The following GRPR variants were observed in gnomAD, a reference collection of about 807,000 sequenced individuals.
GRPR encodes gastrin-releasing peptide receptor.
Under a neutral mutation model 15.6 loss-of-function variants are expected in GRPR, and 4 were observed. The observed-to-expected ratio is 0.26, with a 90% CI of 0.13 to 0.59. The LOEUF (loss-of-function observed/expected upper bound fraction) is 0.59. GRPR is among the 20% of genes least tolerant of loss of function. The probability of loss-of-function intolerance (pLI) is 0.90; values close to 1 mark genes in which losing one functional copy is unlikely to be tolerated. For missense variants in GRPR, 270 were observed against 304.1 expected (o/e 0.89, Z 0.83); for synonymous variants, 128 against 126.8 (o/e 1.01, Z -0.06).
chrX:16,133,802 T>C (rs1922411547), intron 1 of GRPR, among the ~76,000 whole-genome samples: 1 of 111,999 alleles, frequency 8.9e-6, no homozygotes, highest in South Asian at 3.7e-4. Context: ...TCTTTCTTTC[T>C]GATTTTCAGC....
In GRPR at chrX:16,123,922, G is replaced by A; in HGVS notation, c.-32G>A. ...TCAATAGTTAAGAAATAGCATCTAA[G>A]GGAACTTTTAGGTGGGAAAAAAAAT... On this transcript the variant is annotated 5_prime_UTR_variant, in exon 1 of 3. Coordinates refer to ENST00000380289, the MANE Select transcript of GRPR (RefSeq NM_005314.3). 8.6e-7 allele frequency: 1 copy of A among 1,162,941 alleles called. No individual in the cohort carries two copies. The highest frequency in any genetic ancestry group is 1.2e-6 in the Non-Finnish European group (1 of 853,822).
intron 1 of GRPR, among the ~76,000 whole-genome samples, chrX:16,128,951 T>A (rs1035746662): frequency 8.9e-6 from 1 of 112,362 alleles, no homozygotes; most frequent in South Asian, 3.7e-4. Flanking sequence ...TGTTTTCTTT[T>A]CCAGTAAGTG....
In GRPR at chrX:16,146,450, T is replaced by G. The variant is rs780709330; in HGVS notation, c.414-3855T>G. 1.5e-4 allele frequency among the ~76,000 whole-genome samples: 17 copies of G among 111,877 alleles called. No individual in the cohort carries two copies. In the South Asian group the frequency reaches 4.5e-3, roughly 30 times the overall value. On this transcript the variant is annotated intron_variant, in intron 1 of 2. Transcript: ENST00000380289. Reference sequence around the variant, plus strand: ...TTTTCTCTCAGTCCATTTACTCAGCTTATTCATCTTCTGCATGTTTAAATA... The same window carrying G: ...TTTTCTCTCAGTCCATTTACTCAGCGTATTCATCTTCTGCATGTTTAAATA...
chrX:16,137,825 A>G (rs923772870), intron 1 of GRPR, among the ~76,000 whole-genome samples: 3 of 111,451 alleles, frequency 2.7e-5, no homozygotes, highest in African/African-American at 9.8e-5. Context: ...ATCTGAAAGG[A>G]AGACATCACA....
At chrX:16,131,953 T>C (rs956044972) in intron 1 of GRPR, among the ~76,000 whole-genome samples, 4 of 112,322 alleles carry the variant, frequency 3.6e-5, no homozygotes, top group Non-Finnish European at 7.5e-5. Flanking sequence ...TTCTTGAGAA[T>C]TATTTTGTTC....
At chrX:16,136,753 C>T (rs1457319678) in intron 1 of GRPR, among the ~76,000 whole-genome samples, 2 of 112,142 alleles carry the variant, frequency 1.8e-5, no homozygotes, top group African/African-American at 6.5e-5. Flanking sequence ...CTGCTCAATT[C>T]TACCCTTGTA....
rs147393092 is a variant in GRPR, at chrX:16,124,195, G to A, written c.242G>A (p.Ser81Asn). Residue 81 changes from serine to asparagine, a missense_variant, in exon 1 of 3, where the codon AGT becomes AAT. Around this residue, in one of 3 missense-constraint regions of GRPR, gnomAD observed 115 missense variants for 128.8 expected, o/e 0.89. Coordinates refer to ENST00000380289, the MANE Select transcript of GRPR (RefSeq NM_005314.3). ...AACGTTCCAAACCTGTTCATTTCCAGTCTGGCTTTGGGAGACCTGCTCCTC... is the reference window on the plus strand; with the variant it reads ...AACGTTCCAAACCTGTTCATTTCCAATCTGGCTTTGGGAGACCTGCTCCTC... ...MRNVPNLFISSLALGDLLLLI... is the reference protein window; with the variant it reads ...MRNVPNLFISNLALGDLLLLI... 326 of 1,209,585 alleles carry A rather than the reference G, an allele frequency of 2.7e-4. 1 individual carries two copies. The highest frequency in any genetic ancestry group is 3.4e-4 in the Non-Finnish European group (301 of 894,776).
In GRPR at chrX:16,152,753, C is replaced by G; in HGVS notation, c.*108C>G. ...CCCTCCAAAGAGCCTTCAGAATGCT[C>G]CTGAGTGGTGTAGGTGGGGGTGGGG... On this transcript the variant is annotated 3_prime_UTR_variant, in exon 3 of 3. Coordinates refer to ENST00000380289, the MANE Select transcript of GRPR (RefSeq NM_005314.3). 2 of 689,262 alleles carry G rather than the reference C, an allele frequency of 2.9e-6. No individual in the cohort carries two copies. The highest frequency in any genetic ancestry group is 4.7e-6 in the Non-Finnish European group (2 of 427,132). The allele number at this position is 689,262 out of a possible 1,213,427, so 56.8% of individuals were successfully genotyped here.
Position 16,123,848 on chromosome X carries a change from G to A in GRPR, c.-106G>A, listed in dbSNP as rs16980265. 0.032 allele frequency: 19,764 copies of A among 624,589 alleles called. 2,239 individuals carry two copies. In the African/African-American group the frequency reaches 0.36, roughly 11 times the overall value. The allele number at this position is 624,589 out of a possible 1,213,427, so 51.5% of individuals were successfully genotyped here. A position where few individuals can be genotyped will look rare whatever the true frequency, so the allele number is the denominator to read the frequency against. On this transcript the variant is annotated 5_prime_UTR_variant, in exon 1 of 3. Coordinates refer to ENST00000380289, the MANE Select transcript of GRPR (RefSeq NM_005314.3). ...ACTCAGAGTATTTTTATTAAAGAAG[G>A]CAAAGAGCCCGGCATAGATCTTATC...
intron 1 of GRPR, among the ~76,000 whole-genome samples, chrX:16,137,256 C>T (rs757192723): frequency 1.8e-5 from 2 of 112,010 alleles, no homozygotes; most frequent in Non-Finnish European, 3.8e-5. Context: ...CTACATCACA[C>T]GATTAGCAAA....
intron 1 of GRPR, among the ~76,000 whole-genome samples, chrX:16,137,415 G>A (rs1468063095): frequency 8.9e-6 from 1 of 111,959 alleles, no homozygotes; most frequent in Non-Finnish European, 1.9e-5. Context: ...TCCATGGGTG[G>A]CAGACATGAG....
chrX:16,152,744 C>A lies in GRPR; in HGVS notation c.*99C>A. On this transcript the variant is annotated 3_prime_UTR_variant, in exon 3 of 3. Coordinates refer to ENST00000380289, the MANE Select transcript of GRPR (RefSeq NM_005314.3). Reference sequence around the variant, plus strand: ...GTGTCTGTGCCCTCCAAAGAGCCTTCAGAATGCTCCTGAGTGGTGTAGGTG... The same window carrying A: ...GTGTCTGTGCCCTCCAAAGAGCCTTAAGAATGCTCCTGAGTGGTGTAGGTG... The A allele has an allele frequency of 1.4e-5, 10 of 729,525 alleles. No individual in the cohort carries two copies. Among genetic ancestry groups the A allele is most frequent in the Non-Finnish European group, 1.7e-5 (8 of 463,408 alleles). The allele number at this position is 729,525 out of a possible 1,213,427, so 60.1% of individuals were successfully genotyped here. A position where few individuals can be genotyped will look rare whatever the true frequency, so the allele number is the denominator to read the frequency against.
chrX:16,150,408 A>G lies in GRPR; in HGVS notation c.517A>G (p.Ile173Val). The G allele has an allele frequency of 8.3e-7, 1 of 1,207,549 alleles. No homozygotes were observed. Among genetic ancestry groups the G allele is most frequent in the East Asian group, 3.0e-5 (1 of 33,810 alleles). The change falls in exon 2 of 3, where the codon ATT (isoleucine) becomes GTT (valine). Residue 173 changes from isoleucine (I) to valine (V), a missense_variant. Ile to Val is a conservative substitution (Grantham distance 29). Coordinates refer to ENST00000380289, the MANE Select transcript of GRPR (RefSeq NM_005314.3). ...FIWIISMLLA[I>V]PEAVFSDLHP... The stretch of plus-strand genomic sequence containing the variant: ...CTGGATCATCTCCATGCTGCTGGCC[A>G]TTCCAGAGGCCGTGTTTTCTGACCT...
intron 1 of GRPR, among the ~76,000 whole-genome samples, chrX:16,129,168 G>C (rs967984489): frequency 4.5e-5 from 5 of 111,503 alleles, no homozygotes; most frequent in African/African-American, 1.3e-4. Context: ...TTTGTTATTT[G>C]GAATGTGGAA....
At chrX:16,139,209 C>T (rs1922492837) in intron 1 of GRPR, among the ~76,000 whole-genome samples, 1 of 112,082 alleles carries the variant, frequency 8.9e-6, no homozygotes, top group African/African-American at 3.2e-5. Flanking sequence ...TGACATGTTA[C>T]GATTCCTAGT....
In GRPR at chrX:16,146,985, T is replaced by C. The variant is rs139261635; in HGVS notation, c.414-3320T>C. On this transcript the variant is annotated intron_variant, in intron 1 of 2. Transcript: ENST00000380289. ...AGATAATAATGTCTACCTATTGGAG[T>C]TGTCTGGAATATAAATGAGATAATA... Among the ~76,000 whole-genome samples, 790 of 111,449 alleles carry C rather than the reference T, an allele frequency of 7.1e-3. 10 individuals are homozygous for C. The highest frequency in any genetic ancestry group is 0.025 in the African/African-American group (761 of 30,683).
chrX:16,142,662 G>A (rs1313678351), intron 1 of GRPR, among the ~76,000 whole-genome samples: 1 of 111,575 alleles, frequency 9.0e-6, no homozygotes, highest in Non-Finnish European at 1.9e-5. Context: ...CAATGTAGGT[G>A]TATGTTCAAT....
intron 1 of GRPR, among the ~76,000 whole-genome samples, chrX:16,133,625 G>A (rs938270418): frequency 3.6e-5 from 4 of 111,158 alleles, no homozygotes; most frequent in Non-Finnish European, 5.7e-5. Context: ...TACTTTTGGA[G>A]GATATTTTCA....
At chrX:16,149,190 C>G (rs1922651381) in intron 1 of GRPR, among the ~76,000 whole-genome samples, 4 of 111,883 alleles carry the variant, frequency 3.6e-5, no homozygotes, top group African/African-American at 1.3e-4. Flanking sequence ...TTTGCTTGGA[C>G]TGAGAGATTT....
Sources: gnomAD v4.1 joint callset for allele counts (sites outside exome capture counted in the v4.1 genomes callset) on GRCh38, gnomAD v4.1.1 for gene constraint, gnomAD v4.1.1 regional missense constraint, MANE v1.5 for transcripts, NCBI Gene and HGNC (gene_info 2026-07-23, HGNC 2026-07-21) for gene names.